The following RBFOX1 variants were observed in gnomAD, a reference collection of about 807,000 sequenced individuals.
RBFOX1 encodes the protein RNA binding protein fox-1 homolog 1.
Under a neutral mutation model 57.7 loss-of-function variants are expected in RBFOX1, and 8 were observed. The observed-to-expected ratio is 0.14, with a 90% confidence interval of 0.08 to 0.25. The LOEUF (loss-of-function observed/expected upper bound fraction) is 0.25. Among genes scored for constraint, RBFOX1 ranks in the 10% least tolerant of loss-of-function variants. The probability of loss-of-function intolerance (pLI) is 1.00; values close to 1 mark genes in which losing one functional copy is unlikely to be tolerated. For missense variants in RBFOX1, 611 were observed against 548.5 expected (o/e 1.11, Z -1.14); for synonymous variants, 326 against 222.4 (o/e 1.47, Z -4.15).
intron 3 of RBFOX1, among the ~76,000 whole-genome samples, chr16:6,957,970 G>T (rs1434531198): frequency 1.1e-4 from 17 of 152,192 alleles, no homozygotes; most frequent in African/African-American, 4.8e-5. Flanking sequence ...TATTCTCTTG[G>T]TTACACAGGA....
At chr16:7,229,238 C>G (rs1030139916) in intron 4 of RBFOX1, among the ~76,000 whole-genome samples, 1 of 152,188 alleles carries the variant, frequency 6.6e-6, no homozygotes, top group Admixed American at 6.5e-5. Flanking sequence ...TTGCAATCTT[C>G]TGCAAGACAC....
At chr16:7,452,706 T>C (rs2057610270) in intron 4 of RBFOX1, among the ~76,000 whole-genome samples, 1 of 152,204 alleles carries the variant, frequency 6.6e-6, no homozygotes, top group Non-Finnish European at 1.5e-5. Context: ...CTTAAAACCT[T>C]TAATGATTCC....
At chr16:5,621,040 C>T (rs772853240) in intron 3 of RBFOX1, among the ~76,000 whole-genome samples, 12 of 152,164 alleles carry the variant, frequency 7.9e-5, no homozygotes, top group Non-Finnish European at 1.8e-4. Flanking sequence ...CGAGGTTTCA[C>T]CATGTTGGCC....
At chr16:6,941,083 G>C (rs1179169752) in intron 3 of RBFOX1, among the ~76,000 whole-genome samples, 1 of 151,942 alleles carries the variant, frequency 6.6e-6, no homozygotes, top group African/African-American at 2.4e-5. Flanking sequence ...AATGGAGGTG[G>C]GTAGTTAAAC....
intron 3 of RBFOX1, among the ~76,000 whole-genome samples, chr16:6,967,702 A>G (rs2084586604): frequency 6.6e-6 from 1 of 152,044 alleles, no homozygotes; most frequent in Non-Finnish European, 1.5e-5. Flanking sequence ...TGAACACGGT[A>G]GGTCCTTGGT....
At chr16:6,965,313 T>A (rs997717259) in intron 3 of RBFOX1, among the ~76,000 whole-genome samples, 6 of 144,084 alleles carry the variant, frequency 4.2e-5, no homozygotes, top group African/African-American at 1.6e-4. Flanking sequence ...CTTTTTCTTT[T>A]GTTGTGTGTG....
intron 2 of RBFOX1, among the ~76,000 whole-genome samples, chr16:6,366,174 G>A (rs2089580338): frequency 6.6e-6 from 1 of 151,028 alleles, no homozygotes; most frequent in East Asian, 1.9e-4. Context: ...ATTTATACCT[G>A]GAACATATGT....
At chr16:5,433,049 T>C (rs1162824531) in intron 1 of RBFOX1, among the ~76,000 whole-genome samples, 1 of 152,122 alleles carries the variant, frequency 6.6e-6, no homozygotes, top group African/African-American at 2.4e-5. Flanking sequence ...GTTTATTACA[T>C]GGATGGATGG....
At chr16:7,379,800 G>GCTTGCCTGCCTCCCTCCCTC in intron 4 of RBFOX1, among the ~76,000 whole-genome samples, 1 of 150,524 alleles carries the variant, frequency 6.6e-6, no homozygotes, top group Non-Finnish European at 1.5e-5. Context: ...CTGCCTCCCT[G>GCTTGCCTGCCTCCCTCCCTC]CCTGCCTGCC....
At chr16:7,069,334 C>G (rs138706567) in intron 4 of RBFOX1, among the ~76,000 whole-genome samples, 1,539 of 152,162 alleles carry the variant, frequency 0.01, 30 homozygotes, top group African/African-American at 0.035. Context: ...AGCTGTTTTC[C>G]CTAATGCTCT....
intron 3 of RBFOX1, among the ~76,000 whole-genome samples, chr16:6,675,427 C>T (rs754418442): frequency 6.6e-6 from 1 of 152,050 alleles, no homozygotes; most frequent in Non-Finnish European, 1.5e-5. Flanking sequence ...GCAGAGCAAA[C>T]TGGCCCAGAA....
chr16:7,563,433 C>G (rs2090905883), intron 5 of RBFOX1, among the ~76,000 whole-genome samples: 1 of 152,130 alleles, frequency 6.6e-6, no homozygotes, highest in Non-Finnish European at 1.5e-5. Flanking sequence ...ATAAATGTGT[C>G]TTGTTGTTAT....
intron 3 of RBFOX1, among the ~76,000 whole-genome samples, chr16:6,679,203 C>A (rs1568180039): frequency 6.6e-6 from 1 of 152,050 alleles, no homozygotes. Flanking sequence ...GCATATCAGA[C>A]TGGTTTTCAG....
intron 4 of RBFOX1, among the ~76,000 whole-genome samples, chr16:6,001,955 A>G (rs2060607282): frequency 6.7e-6 from 1 of 148,248 alleles, no homozygotes; most frequent in African/African-American, 2.5e-5. Context: ...TGAATAATCT[A>G]TAGCTCTTAA....
chr16:7,070,536 G>A (rs1317619959), intron 4 of RBFOX1, among the ~76,000 whole-genome samples: 1 of 152,182 alleles, frequency 6.6e-6, no homozygotes, highest in Non-Finnish European at 1.5e-5. Flanking sequence ...CCAAAGGCAT[G>A]TTTTTATAGA....
chr16:6,900,423 C>T (rs1418571196), intron 3 of RBFOX1, among the ~76,000 whole-genome samples: 2 of 152,166 alleles, frequency 1.3e-5, no homozygotes, highest in Non-Finnish European at 2.9e-5. Context: ...AATCATGCTA[C>T]CACTATCTGC....
intron 2 of RBFOX1, chr16:6,483,840 C>G (rs913658803): frequency 9.7e-5 from 118 of 1,220,060 alleles, no homozygotes; most frequent in Non-Finnish European, 1.1e-4. Flanking sequence ...GGGACTTGGC[C>G]GTGGATGGAA....
At chr16:7,629,583 CTAAT>C (rs2060612218) in intron 10 of RBFOX1, among the ~76,000 whole-genome samples, 1 of 152,132 alleles carries the variant, frequency 6.6e-6, no homozygotes, top group Non-Finnish European at 1.5e-5. Context: ...CCTCAGAATT[CTAAT>C]TATTTTCAAA....
At chr16:5,824,370 C>T (rs147552881) in intron 3 of RBFOX1, among the ~76,000 whole-genome samples, 1 of 152,192 alleles carries the variant, frequency 6.6e-6, no homozygotes, top group Non-Finnish European at 1.5e-5. Flanking sequence ...GTCTGTCTCC[C>T]TCCTTGACAG....
Sources: gnomAD v4.1 joint callset for allele counts (sites outside exome capture counted in the v4.1 genomes callset) on GRCh38, gnomAD v4.1.1 for gene constraint, MANE v1.5 for transcripts, NCBI Gene and HGNC (gene_info 2026-07-23, HGNC 2026-07-21) for gene names.